The following RGS7 variants were observed in gnomAD, a reference collection of about 807,000 sequenced individuals.
The protein encoded by RGS7 is regulator of G protein signaling 7, also known as regulator of G-protein signaling 7.
A neutral mutation model predicts 81.1 loss-of-function variants in RGS7; 27 were observed. The ratio of observed to expected loss-of-function variants is 0.33; its 90% CI spans 0.25 to 0.46. RGS7 has a LOEUF of 0.46. Ranked by LOEUF, RGS7 falls within the 20% of genes least tolerant of loss-of-function variation. The pLI is 1.00. For synonymous variants in RGS7, 208 were observed against 207.7 expected (o/e 1.00, Z -0.01); for missense variants, 396 against 607.4 (o/e 0.65, Z 3.66).
chr1:241,327,043 G>T (rs1282111095), intron 2 of RGS7, among the ~76,000 whole-genome samples: 6 of 32,336 alleles, frequency 1.9e-4, no homozygotes, highest in South Asian at 2.3e-3. Context: ...AGGAAGGGAG[G>T]GAGGGGAAAG....
chr1:240,889,773 A>G (rs938318190), intron 6 of RGS7, among the ~76,000 whole-genome samples: 1 of 152,126 alleles, frequency 6.6e-6, no homozygotes, highest in African/African-American at 2.4e-5. Context: ...TCAGTCTGAT[A>G]TGACGCATGG....
chr1:241,190,665 T>G (rs2072572053), intron 2 of RGS7, among the ~76,000 whole-genome samples: 2 of 152,230 alleles, frequency 1.3e-5, no homozygotes, highest in African/African-American at 4.8e-5. Flanking sequence ...TATGTTTATC[T>G]TCTATCTTAT....
intron 5 of RGS7, among the ~76,000 whole-genome samples, chr1:240,935,540 A>G (rs111935688): frequency 0.013 from 2,005 of 152,316 alleles, 24 homozygotes; most frequent in Non-Finnish European, 0.022. Context: ...ATTTCCTCCT[A>G]GCTCTTAAGT....
At chr1:240,893,305 TA>T (rs1403442658) in intron 6 of RGS7, among the ~76,000 whole-genome samples, 1 of 152,202 alleles carries the variant, frequency 6.6e-6, no homozygotes, top group African/African-American at 2.4e-5. Context: ...ATTATTAAGA[TA>T]AATCCATTAA....
At chr1:240,791,359 G>C (rs1685973569) in intron 18 of RGS7, among the ~76,000 whole-genome samples, 1 of 152,220 alleles carries the variant, frequency 6.6e-6, no homozygotes, top group South Asian at 2.1e-4. Context: ...ATCTGGGCTT[G>C]TGTACAGTAT....
At chr1:240,842,199 A>ATTTTTTTTTTTCTTTTTTTTTTT (rs1658158377) in intron 9 of RGS7, among the ~76,000 whole-genome samples, 1 of 78,676 alleles carries the variant, frequency 1.3e-5, no homozygotes, top group Non-Finnish European at 2.5e-5. Flanking sequence ...TTTGTCAGGA[A>ATTTTTTTTTTTCTTTTTTTTTTT]TTTTTTTTTT....
intron 18 of RGS7, among the ~76,000 whole-genome samples, chr1:240,778,468 A>T (rs1683366701): frequency 6.6e-6 from 1 of 152,204 alleles, no homozygotes; most frequent in African/African-American, 2.4e-5. Flanking sequence ...TTTTTTCTTA[A>T]TTGGGAAAAA....
intron 3 of RGS7, among the ~76,000 whole-genome samples, chr1:241,035,665 TACC>T (rs1418557667): frequency 2.6e-5 from 4 of 152,104 alleles, no homozygotes; most frequent in African/African-American, 4.8e-5. Flanking sequence ...CCATCATTAC[TACC>T]ACCACTTCCA....
At chr1:241,057,455 C>T (rs1319683645) in intron 3 of RGS7, among the ~76,000 whole-genome samples, 3 of 152,092 alleles carry the variant, frequency 2.0e-5, no homozygotes, top group Non-Finnish European at 4.4e-5. Context: ...CTTACAAAGT[C>T]GGTACTATTA....
chr1:240,890,248 GT>G (rs1428282947), intron 6 of RGS7, among the ~76,000 whole-genome samples: 1 of 152,180 alleles, frequency 6.6e-6, no homozygotes, highest in Non-Finnish European at 1.5e-5. Flanking sequence ...TGCCTTCTGG[GT>G]TCAAGTGATT....
intron 2 of RGS7, among the ~76,000 whole-genome samples, chr1:241,240,029 A>C (rs1409279725): frequency 6.6e-6 from 1 of 152,144 alleles, no homozygotes. Flanking sequence ...ACATTATAGA[A>C]ACAGAGACTG....
chr1:240,775,864 A>G lies in RGS7; in HGVS notation c.*356T>C. On this transcript the variant is annotated 3_prime_UTR_variant, in exon 19 of 19. Coordinates refer to ENST00000440928, the MANE Select transcript of RGS7 (RefSeq NM_001364886.1). ...AACTGTGTGTCTAACTGAAGCTTTG[A>G]GAGAGAGAGAGAGAGAAAGAAGGAA... is the stretch of plus-strand genomic sequence containing the variant. 1 of 221,892 alleles carries G rather than the reference A, an allele frequency of 4.5e-6. No individual in the cohort carries two copies. The highest frequency in any genetic ancestry group is 9.1e-6 in the Non-Finnish European group (1 of 109,858). The allele number at this position is 221,892 out of a possible 1,614,324, so 13.7% of individuals were successfully genotyped here. A position where few individuals can be genotyped will look rare whatever the true frequency, so the allele number is the denominator to read the frequency against.
At chr1:241,037,841 T>C (rs371488837) in intron 3 of RGS7, among the ~76,000 whole-genome samples, 1 of 152,216 alleles carries the variant, frequency 6.6e-6, no homozygotes, top group East Asian at 1.9e-4. Flanking sequence ...TCAGAGGCCA[T>C]TATTTTAAGT....
At chr1:241,066,756 AC>A (rs559930927) in intron 3 of RGS7, among the ~76,000 whole-genome samples, 75 of 152,312 alleles carry the variant, frequency 4.9e-4, no homozygotes, top group African/African-American at 1.8e-3. Flanking sequence ...GAATCACAAA[AC>A]AAATCTATTT....
intron 4 of RGS7, among the ~76,000 whole-genome samples, chr1:240,950,658 C>T (rs1035482751): frequency 2.0e-5 from 3 of 152,182 alleles, no homozygotes; most frequent in Non-Finnish European, 4.4e-5. Flanking sequence ...TAACAACTAT[C>T]CACCATACCT....
At chr1:241,110,684 C>T (rs1295293350) in intron 2 of RGS7, among the ~76,000 whole-genome samples, 1 of 146,088 alleles carries the variant, frequency 6.8e-6, no homozygotes, top group Non-Finnish European at 1.5e-5. Context: ...GAGACAGGGT[C>T]TCACTCACTC....
At chr1:241,146,443 T>C (rs1304439466) in intron 2 of RGS7, among the ~76,000 whole-genome samples, 1 of 152,144 alleles carries the variant, frequency 6.6e-6, no homozygotes, top group Non-Finnish European at 1.5e-5. Context: ...TCCCTGCAGA[T>C]ACTGAGAAAC....
rs374158768 is a variant in RGS7 at position 240,813,595 on chromosome 1, G to A, written c.956+23C>T. The stretch of plus-strand genomic sequence containing the variant: ...CCCTGAAATAAAGCAACATATGGGC[G>A]AGAAAGATAAAATGCCACCTACCTT... On this transcript the variant is annotated intron_variant, in intron 13 of 18. Coordinates refer to ENST00000440928, the MANE Select transcript of RGS7 (RefSeq NM_001364886.1). 121 of 1,403,948 alleles carry A rather than the reference G, an allele frequency of 8.6e-5. 2 individuals carry two copies. Among genetic ancestry groups the A allele is most frequent in the Admixed American group, 1.7e-4 (10 of 59,688 alleles). The allele number at this position is 1,403,948 out of a possible 1,614,324, so 87.0% of individuals were successfully genotyped here.
intron 4 of RGS7, among the ~76,000 whole-genome samples, chr1:240,972,488 T>C (rs1447258852): frequency 4.3e-5 from 5 of 116,004 alleles, no homozygotes; most frequent in African/African-American, 1.3e-4. Context: ...TAGGTGGGAA[T>C]TGAACAATGA....
Sources: gnomAD v4.1 joint callset for allele counts (sites outside exome capture counted in the v4.1 genomes callset) on GRCh38, gnomAD v4.1.1 for gene constraint, MANE v1.5 for transcripts, NCBI Gene and HGNC (gene_info 2026-07-23, HGNC 2026-07-21) for gene names.